HID1: variants seen among roughly 807,000 people sequenced by gnomAD.
HID1 encodes the protein HID1 domain containing.
A neutral mutation model predicts 89.7 loss-of-function variants in HID1; 42 were observed. The ratio of observed to expected loss-of-function variants is 0.47; its 90% CI spans 0.37 to 0.61. HID1 has a LOEUF of 0.61. Among genes scored for constraint, HID1 ranks in the 20% least tolerant of loss-of-function variants. The pLI is 0.00. For synonymous variants in HID1, 442 were observed against 433.8 expected (o/e 1.02, Z -0.24); for missense variants, 854 against 1,039.3 (o/e 0.82, Z 2.45).
At chr17:74,957,244 C>T (rs1484096483) in intron 12 of HID1, among the ~76,000 whole-genome samples, 1 of 151,676 alleles carries the variant, frequency 6.6e-6, no homozygotes, top group Non-Finnish European at 1.5e-5. Context: ...GAGGCCAAGG[C>T]AGGCAGATTG....
Position 74,958,285 on chromosome 17 carries a change from C to A in HID1, c.1392+42G>T. On this transcript the variant is annotated intron_variant, in intron 11 of 18. Coordinates refer to ENST00000425042, the MANE Select transcript of HID1 (RefSeq NM_030630.3). The surrounding 1 kb of genome is among the most constrained non-coding windows in gnomAD (Gnocchi z 5.2). Reference sequence around the variant, plus strand: ...CCTCCAGACTCAGCCAAGAGGACACCACCCCTGCACCTCCTGGGCCCGGCC... The same window carrying A: ...CCTCCAGACTCAGCCAAGAGGACACAACCCCTGCACCTCCTGGGCCCGGCC... 6.2e-7 allele frequency: 1 copy of A among 1,610,440 alleles called. No homozygotes were observed.
chr17:74,963,520 CCTA>C (rs2039516549), intron 3 of HID1: 4 of 588,274 alleles, frequency 6.8e-6, no homozygotes, highest in Non-Finnish European at 1.2e-5. Flanking sequence ...CTCTCCATAC[CCTA>C]CTTCCTCCAG....
chr17:74,964,684 AC>A, intron 1 of HID1, 52 bp from the exon 2 acceptor site: 1 of 1,563,412 alleles, frequency 6.4e-7, no homozygotes, highest in Non-Finnish European at 8.7e-7. Context: ...CAGAGGGCCT[AC>A]ACTTTGCCCA....
rs1327800081 is a variant in HID1, at chr17:74,972,728, G to A, written c.-72C>T. The A allele has an allele frequency of 7.9e-6, 11 of 1,392,234 alleles. No individual in the cohort carries two copies. Among genetic ancestry groups the A allele is most frequent in the Non-Finnish European group, 1.1e-5 (11 of 1,041,188 alleles). The allele number at this position is 1,392,234 out of a possible 1,614,324, so 86.2% of individuals were successfully genotyped here. ...GGCTCCGGCTTCAGCTCCGGCTCCA[G>A]CTCCGCGGCCCCCGCGGCTCTCGCA... is the stretch of plus-strand genomic sequence containing the variant. On this transcript the variant is annotated 5_prime_UTR_variant, in exon 1 of 19. Transcript: ENST00000425042. The surrounding 1 kb of genome is among the most constrained non-coding windows in gnomAD (Gnocchi z 6.4).
At chr17:74,971,603 G>C (rs1319272094) in intron 1 of HID1, among the ~76,000 whole-genome samples, 1 of 152,154 alleles carries the variant, frequency 6.6e-6, no homozygotes, top group Non-Finnish European at 1.5e-5. Flanking sequence ...AGGTGGGGGG[G>C]CCAGGAAAGA....
At position 74,950,858 on chromosome 17, in the gene HID1, G is replaced by C. The variant is rs1159977072; in HGVS notation, c.*712C>G. ...AGAGCTGGGTGAAGGATGAGGGGTG[G>C]CATCGCCCCATCCAGGCAGTGGGCA... On this transcript the variant is annotated 3_prime_UTR_variant, in exon 19 of 19. Coordinates refer to ENST00000425042, the MANE Select transcript of HID1 (RefSeq NM_030630.3). The C allele has an allele frequency of 6.6e-6, 1 of 152,484 alleles. No individual in the cohort carries two copies. The highest frequency in any genetic ancestry group is 1.5e-5 in the Non-Finnish European group (1 of 68,244). 9.4% of individuals were successfully genotyped at this position (152,484 alleles called of 1,614,324 possible).
At chr17:74,968,521 C>T (rs1362792717) in intron 1 of HID1, among the ~76,000 whole-genome samples, 1 of 152,220 alleles carries the variant, frequency 6.6e-6, no homozygotes, top group Non-Finnish European at 1.5e-5. Context: ...CCATGACTCT[C>T]AGTCCCAGAA....
intron 17 of HID1, 61 bp downstream of exon 17, chr17:74,952,208 C>T (rs932501954): frequency 1.3e-6 from 2 of 1,541,450 alleles, no homozygotes; most frequent in African/African-American, 1.4e-5. Flanking sequence ...CCCACACCAC[C>T]GGCCCCGCCC....
intron 12 of HID1, 54 bp from the exon 13 acceptor site, chr17:74,956,010 A>C (rs2039385306): frequency 1.3e-6 from 2 of 1,562,268 alleles, no homozygotes; most frequent in African/African-American, 2.7e-5. Context: ...CCATCCCTGC[A>C]CATCCTGGGC....
rs1459898089 is a variant in HID1, at chr17:74,952,369, G to C, written c.2053-9C>G. On this transcript the variant is annotated splice_polypyrimidine_tract_variant and intron_variant, in intron 16 of 18. Transcript: ENST00000425042. The stretch of plus-strand genomic sequence containing the variant: ...GACTTCCAGGAGAGGACCTGGCGAG[G>C]GACGGGGTTCCTGGGGCTGAGAAAG... 2.5e-6 allele frequency: 4 copies of C among 1,611,990 alleles called. No homozygotes were observed. Among genetic ancestry groups the C allele is most frequent in the Non-Finnish European group, 3.4e-6 (4 of 1,178,498 alleles).
chr17:74,963,437 G>T (rs1398471539), intron 3 of HID1: 1 of 507,502 alleles, frequency 2.0e-6, no homozygotes, highest in Non-Finnish European at 3.5e-6. Context: ...GGACAGTGTG[G>T]TCCCTCTCCG....
chr17:74,958,132 G>A lies in HID1; in HGVS notation c.1471+9C>T, dbSNP rs1483453482. ...GTGAGCGCGGGGAGTGCAAGCTCCG[G>A]GCCCCTACCGTTGACCACGATGGTG... On this transcript the variant is annotated intron_variant, in intron 12 of 18. Transcript: ENST00000425042. This position sits in a 1 kb window ranked among gnomAD's most constrained non-coding sequence, Gnocchi z 5.2. 1 of 1,599,006 alleles carries A rather than the reference G, an allele frequency of 6.3e-7. No homozygotes were observed. Among genetic ancestry groups the A allele is most frequent in the Non-Finnish European group, 8.5e-7 (1 of 1,173,648 alleles).
intron 6 of HID1, 115 bp from the exon 7 acceptor site, chr17:74,960,363 G>C: frequency 1.2e-6 from 1 of 853,014 alleles, no homozygotes; most frequent in Non-Finnish European, 1.8e-6. Flanking sequence ...TTAGCACCAC[G>C]TCAGGGAGTG....
chr17:74,959,019 C>A lies in HID1; in HGVS notation c.1041G>T (p.Arg347=). ...TCTGGAGCAGGGGGTTGGACAGCAGCCGGGCTATACCCTTGAGGATGAACT... is the reference window on the plus strand; with the variant it reads ...TCTGGAGCAGGGGGTTGGACAGCAGACGGGCTATACCCTTGAGGATGAACT... ...DFQFILKGIA[R]LLSNPLLQTY... Residue 347 remains arginine (R), a synonymous_variant, in exon 9 of 19, where the codon CGG becomes CGT. Coordinates refer to ENST00000425042, the MANE Select transcript of HID1 (RefSeq NM_030630.3). The surrounding 1 kb of genome is among the most constrained non-coding windows in gnomAD (Gnocchi z 4.6). The A allele has an allele frequency of 6.3e-7, 1 of 1,587,362 alleles. No individual in the cohort carries two copies. The highest frequency in any genetic ancestry group is 8.5e-7 in the Non-Finnish European group (1 of 1,170,740).
intron 1 of HID1, among the ~76,000 whole-genome samples, chr17:74,965,287 C>T (rs984089885): frequency 2.6e-5 from 4 of 152,222 alleles, no homozygotes; most frequent in South Asian, 2.1e-4. Flanking sequence ...ACGCATGCAC[C>T]GAGGTGGCAT....
In HID1 at chr17:74,954,370, G is replaced by T; in HGVS notation, c.1637-5C>A. The T allele has an allele frequency of 6.4e-7, 1 of 1,559,076 alleles. No individual in the cohort carries two copies. The highest frequency in any genetic ancestry group is 1.9e-5 in the Admixed American group (1 of 51,774). ...CGTAGACCAGGTTGGAGTTGCCTGT[G>T]GGCAGGGAGCATGCCTCGCCTCAGG... On this transcript the variant is annotated splice_region_variant and splice_polypyrimidine_tract_variant and intron_variant, in intron 13 of 18. Coordinates refer to ENST00000425042, the MANE Select transcript of HID1 (RefSeq NM_030630.3).
chr17:74,961,107 G>A (rs115121029), intron 6 of HID1, among the ~76,000 whole-genome samples: 3,513 of 152,296 alleles, frequency 0.023, 132 homozygotes, highest in African/African-American at 0.08. Flanking sequence ...CCCTTGGAAT[G>A]TGGCTGATCG....
At chr17:74,954,572 G>C in intron 13 of HID1, 2 of 854,460 alleles carry the variant, frequency 2.3e-6, no homozygotes, top group Non-Finnish European at 3.5e-6. Flanking sequence ...CAGAATGTCA[G>C]GCCTGAGCAC....
chr17:74,967,443 G>A (rs1052968969), intron 1 of HID1, among the ~76,000 whole-genome samples: 3 of 150,800 alleles, frequency 2.0e-5, no homozygotes, highest in African/African-American at 7.3e-5. Flanking sequence ...GGAGGCTGAG[G>A]CAGGAGAATC....
Sources: gnomAD v4.1 joint callset for allele counts (sites outside exome capture counted in the v4.1 genomes callset) on GRCh38, gnomAD v4.1.1 for gene constraint, Gnocchi (gnomAD v3.1) non-coding constraint, MANE v1.5 for transcripts, NCBI Gene and HGNC (gene_info 2026-07-23, HGNC 2026-07-21) for gene names.